The following MCUB variants were observed in gnomAD, a reference collection of about 807,000 sequenced individuals.
MCUB encodes the protein mitochondrial calcium uniporter dominant negative subunit beta.
Under a neutral mutation model 41.4 loss-of-function variants are expected in MCUB, and 46 were observed. The ratio of observed to expected loss-of-function variants is 1.11; its 90% CI spans 0.88 to 1.42. MCUB has a LOEUF of 1.42. Ranked by LOEUF, MCUB falls within the 40% of genes most tolerant of loss-of-function variation. The pLI, the probability that MCUB is intolerant of heterozygous loss-of-function variation, is 0.00. For synonymous variants in MCUB, 148 were observed against 148.2 expected (o/e 1.00, Z 0.01); for missense variants, 403 against 404.9 (o/e 1.00, Z 0.04).
At chr4:109,639,592 C>A (rs933793289) in intron 1 of MCUB, among the ~76,000 whole-genome samples, 1 of 152,186 alleles carries the variant, frequency 6.6e-6, no homozygotes, top group African/African-American at 2.4e-5. Flanking sequence ...GAGGCTGAGG[C>A]AGGAGAATCG....
intron 1 of MCUB, among the ~76,000 whole-genome samples, chr4:109,615,744 A>G (rs1728113976): frequency 6.6e-6 from 1 of 152,208 alleles, no homozygotes; most frequent in Non-Finnish European, 1.5e-5. Flanking sequence ...TCAGCAAGCT[A>G]AAACAAAGAT....
Position 109,614,403 on chromosome 4 carries a change from G to T in MCUB, c.100-44608G>T, listed in dbSNP as rs552024204. Among the ~76,000 whole-genome samples the T allele has an allele frequency of 4.6e-5, 7 of 152,118 alleles. No homozygotes were observed. The East Asian group carries it at 1.4e-3, about 29-fold the overall frequency. On this transcript the variant is annotated intron_variant, in intron 1 of 7. Transcript: ENST00000394650. ...GAGAAGTAATTAGGTCATGAGGATA[G>T]AGCTCTCATGGTTGGATTAGTGTCT...
At chr4:109,598,017 C>G (rs1727622659) in intron 1 of MCUB, among the ~76,000 whole-genome samples, 1 of 151,312 alleles carries the variant, frequency 6.6e-6, no homozygotes, top group South Asian at 2.1e-4. Flanking sequence ...CAGAGACGCT[C>G]TTCACTTCCT....
At chr4:109,603,780 C>T (rs866696878) in intron 1 of MCUB, among the ~76,000 whole-genome samples, 20 of 149,008 alleles carry the variant, frequency 1.3e-4, no homozygotes, top group Middle Eastern at 3.6e-3. Context: ...GGGGCGCCCC[C>T]GCCCGGCAGC....
chr4:109,647,780 C>A (rs528932107), intron 1 of MCUB, among the ~76,000 whole-genome samples: 1 of 152,278 alleles, frequency 6.6e-6, no homozygotes, highest in South Asian at 2.1e-4. Context: ...GGAGCCCCCA[C>A]CCTTTTAAAT....
At chr4:109,666,895 A>T (rs569646144) in intron 4 of MCUB, among the ~76,000 whole-genome samples, 1 of 152,260 alleles carries the variant, frequency 6.6e-6, no homozygotes, top group South Asian at 2.1e-4. Context: ...GGATTACATG[A>T]ATTCATATTC....
chr4:109,580,540 T>G (rs1052213626), intron 1 of MCUB, among the ~76,000 whole-genome samples: 21 of 152,232 alleles, frequency 1.4e-4, no homozygotes, highest in African/African-American at 5.1e-4. Flanking sequence ...TTCCAGCATC[T>G]GTTGTTTCCT....
intron 1 of MCUB, among the ~76,000 whole-genome samples, chr4:109,657,214 A>T (rs1392348808): frequency 2.0e-5 from 2 of 98,718 alleles, no homozygotes; most frequent in African/African-American, 8.5e-5. Context: ...GCAATATTCC[A>T]TCTCAAAAAA....
chr4:109,569,624 C>T (rs1322648527), intron 1 of MCUB, among the ~76,000 whole-genome samples: 1 of 151,308 alleles, frequency 6.6e-6, no homozygotes, highest in Non-Finnish European at 1.5e-5. Flanking sequence ...CTGCCTCAGC[C>T]TCCCAAGTAG....
intron 1 of MCUB, among the ~76,000 whole-genome samples, chr4:109,617,789 A>G (rs925552996): frequency 1.3e-5 from 2 of 152,200 alleles, no homozygotes; most frequent in Admixed American, 1.3e-4. Flanking sequence ...CTAATTAGGT[A>G]TTTATTAAAC....
At chr4:109,658,540 G>A (rs908219532) in intron 1 of MCUB, among the ~76,000 whole-genome samples, 3 of 151,920 alleles carry the variant, frequency 2.0e-5, no homozygotes, top group East Asian at 1.9e-4. Context: ...CAGGTGATTC[G>A]CCCACCTTGG....
chr4:109,561,638 G>A (rs1726640135), intron 1 of MCUB, among the ~76,000 whole-genome samples: 1 of 152,174 alleles, frequency 6.6e-6, no homozygotes, highest in South Asian at 2.1e-4. Context: ...ACTTTTAAAG[G>A]TTGTACTTTT....
At chr4:109,603,667 C>A (rs190251603) in intron 1 of MCUB, among the ~76,000 whole-genome samples, 3,065 of 151,738 alleles carry the variant, frequency 0.02, 38 homozygotes, top group Middle Eastern at 0.069. Context: ...CGCCTCTGCC[C>A]GGCCACCACC....
intron 6 of MCUB, chr4:109,684,939 A>AT: frequency 5.2e-6 from 2 of 388,308 alleles, no homozygotes; most frequent in Non-Finnish European, 9.1e-6. Context: ...ATTGCAAAAC[A>AT]TTCAGTAACA....
chr4:109,579,153 C>G (rs1302559103), intron 1 of MCUB, among the ~76,000 whole-genome samples: 2 of 152,118 alleles, frequency 1.3e-5, no homozygotes, highest in African/African-American at 4.8e-5. Flanking sequence ...CTGTTTTGTA[C>G]TTTAAAATGC....
chr4:109,563,400 C>T (rs1041319759), intron 1 of MCUB, among the ~76,000 whole-genome samples: 2 of 152,096 alleles, frequency 1.3e-5, no homozygotes, highest in Non-Finnish European at 2.9e-5. Context: ...TTGTTTTCAT[C>T]TTTTTAATTT....
At chr4:109,648,675 G>A (rs1014855682) in intron 1 of MCUB, 7 of 410,868 alleles carry the variant, frequency 1.7e-5, no homozygotes, top group Admixed American at 6.7e-5. Context: ...TCAAAAGAGA[G>A]CTCCTATATA....
At chr4:109,673,810 T>C in intron 4 of MCUB, 2 of 661,526 alleles carry the variant, frequency 3.0e-6, no homozygotes, top group East Asian at 5.0e-5. Flanking sequence ...TGAGAGGTTT[T>C]TTCGCTCTAG....
chr4:109,648,062 T>A (rs1406489346), intron 1 of MCUB, among the ~76,000 whole-genome samples: 2 of 152,238 alleles, frequency 1.3e-5, no homozygotes, highest in African/African-American at 4.8e-5. Flanking sequence ...AAAAAGTTTA[T>A]TAATTATAAA....
Sources: allele counts gnomAD v4.1 joint callset (sites outside exome capture counted in the v4.1 genomes callset), GRCh38; gene constraint gnomAD v4.1.1; transcripts MANE v1.5; gene names NCBI Gene and HGNC (gene_info 2026-07-23, HGNC 2026-07-21).